The following TENM3 variants were observed in gnomAD, a reference collection of about 807,000 sequenced individuals.
TENM3 encodes teneurin-3.
A neutral mutation model predicts 255.1 loss-of-function variants in TENM3; 63 were observed. The ratio of observed to expected loss-of-function variants is 0.25; its 90% CI spans 0.20 to 0.30. The LOEUF is 0.30. Ranked by LOEUF, TENM3 falls within the 10% of genes least tolerant of loss-of-function variation. TENM3 has a pLI of 1.00. For missense variants in TENM3, 2,929 were observed against 3,461.1 expected, an observed-to-expected ratio of 0.85 and a Z score of 3.86; for synonymous variants, 1,306 against 1,322.3, an observed-to-expected ratio of 0.99 and a Z score of 0.27.
At chr4:181,983,525 T>G in the TENM3 span, among the ~76,000 whole-genome samples, 4 of 152,248 alleles carry the variant, frequency 2.6e-5, no homozygotes, top group Admixed American at 2.0e-4. Context: ...TTTGTTAATA[T>G]TTTATTCATT....
At chr4:182,117,755 C>T in the TENM3 span, among the ~76,000 whole-genome samples, 18 of 152,218 alleles carry the variant, frequency 1.2e-4, 1 homozygote, top group South Asian at 3.7e-3. Context: ...TGCTCTTCTC[C>T]TTTAATATTC....
chr4:182,509,270 T>G (rs1407867669), intron 3 of TENM3, among the ~76,000 whole-genome samples: 1 of 152,218 alleles, frequency 6.6e-6, no homozygotes, highest in Non-Finnish European at 1.5e-5. Flanking sequence ...TTAACTCCAT[T>G]TCAGTGGGGC....
chr4:182,730,904 C>A lies in TENM3; in HGVS notation c.2732C>A (p.Ala911Asp). 2 of 1,613,826 alleles carry A rather than the reference C, an allele frequency of 1.2e-6. No individual in the cohort carries two copies. Among genetic ancestry groups the A allele is most frequent in the Non-Finnish European group, 8.5e-7 (1 of 1,179,824 alleles). The change falls in exon 16 of 28, where the codon GCC becomes GAC. Residue 911 changes from alanine (A) to aspartate (D), a missense_variant. Around this residue, in one of 6 missense-constraint regions of TENM3, gnomAD observed 1,608 missense variants for 1,884.4 expected, o/e 0.85. Coordinates refer to ENST00000511685, the MANE Select transcript of TENM3 (RefSeq NM_001080477.4). ...GMFDLVANGG[A>D]SLTLVFERSP... ...TTTGACTTGGTGGCAAATGGTGGGG[C>A]CTCTCTAACTTTGGTATTTGAACGA...
At chr4:182,245,376 T>G (rs1444378620) in intron 1 of TENM3, among the ~76,000 whole-genome samples, 3 of 152,230 alleles carry the variant, frequency 2.0e-5, no homozygotes, top group Admixed American at 6.5e-5. Flanking sequence ...TTCATTTCTT[T>G]GCTGTTGTTG....
intron 11 of TENM3, among the ~76,000 whole-genome samples, chr4:182,683,909 C>T (rs1026811112): frequency 1.3e-5 from 2 of 151,424 alleles, no homozygotes; most frequent in Non-Finnish European, 2.9e-5. Flanking sequence ...GCAGACAGGA[C>T]CTGCTGAAAA....
intron 1 of TENM3, among the ~76,000 whole-genome samples, chr4:182,304,276 G>C (rs1052651684): frequency 6.6e-6 from 1 of 151,860 alleles, no homozygotes; most frequent in African/African-American, 2.4e-5. Context: ...GCAGTGGTAC[G>C]ATCTTGGCTT....
At chr4:182,734,408 G>T (rs1761009530) in intron 16 of TENM3, among the ~76,000 whole-genome samples, 1 of 152,178 alleles carries the variant, frequency 6.6e-6, no homozygotes, top group African/African-American at 2.4e-5. Context: ...AGTTTTTTCA[G>T]CATTTCTCTA....
At chr4:182,114,141 A>G in the TENM3 span, among the ~76,000 whole-genome samples, 1 of 152,206 alleles carries the variant, frequency 6.6e-6, no homozygotes, top group East Asian at 1.9e-4. Flanking sequence ...TCTATATCTA[A>G]ACCACTATGC....
At chr4:181,654,703 G>A in the TENM3 span, among the ~76,000 whole-genome samples, 3,565 of 144,722 alleles carry the variant, frequency 0.025, 82 homozygotes, top group South Asian at 0.12. Context: ...GCAGTGAGCC[G>A]AGATCGCGCC....
At chr4:181,725,603 T>A in the TENM3 span, among the ~76,000 whole-genome samples, 1 of 151,932 alleles carries the variant, frequency 6.6e-6, no homozygotes, top group Non-Finnish European at 1.5e-5. Context: ...CACACCCAGC[T>A]ATTTTTTTGT....
chr4:181,859,102 T>C, the TENM3 span, among the ~76,000 whole-genome samples: 15 of 151,912 alleles, frequency 9.9e-5, no homozygotes, highest in South Asian at 2.1e-4. Flanking sequence ...AATTCCCTCA[T>C]TTTTGGCCAC....
chr4:182,394,209 A>G (rs1206251979), intron 3 of TENM3, among the ~76,000 whole-genome samples: 2 of 152,122 alleles, frequency 1.3e-5, no homozygotes, highest in African/African-American at 4.8e-5. Context: ...TTTGCTGCCT[A>G]ATGTATGCTT....
the TENM3 span, among the ~76,000 whole-genome samples, chr4:181,711,720 G>T: frequency 0.1 from 15,253 of 152,170 alleles, 940 homozygotes; most frequent in African/African-American, 0.17. Flanking sequence ...ATATTGTTAA[G>T]TTTGTGAGCA....
the TENM3 span, among the ~76,000 whole-genome samples, chr4:181,466,535 G>C: frequency 1.3e-5 from 2 of 152,074 alleles, no homozygotes; most frequent in African/African-American, 4.8e-5. Flanking sequence ...TATTCCTATA[G>C]AATCCATTAT....
the TENM3 span, among the ~76,000 whole-genome samples, chr4:181,587,571 G>T: frequency 1.3e-5 from 2 of 152,146 alleles, no homozygotes; most frequent in Non-Finnish European, 2.9e-5. Context: ...AGAAACCAGG[G>T]CAAAGAAGTT....
At chr4:181,606,244 G>A in the TENM3 span, among the ~76,000 whole-genome samples, 1 of 152,034 alleles carries the variant, frequency 6.6e-6, no homozygotes, top group African/African-American at 2.4e-5. Flanking sequence ...GCAGCCAAAG[G>A]GACAGTCAAT....
rs191210210 is a variant in TENM3 at position 182,231,951 on chromosome 4, T to G, written c.-76+87197T>G. On this transcript the variant is annotated intron_variant, in intron 1 of 2. Transcript: ENST00000512480. ...TAAGTTGGCTGGAGTCCTGCCTGGT[T>G]TGCATATTTTTTGTATGTGCCTGTG... Among the ~76,000 whole-genome samples, 53 of 152,350 alleles carry G rather than the reference T, an allele frequency of 3.5e-4. 1 individual carries two copies. The East Asian group carries it at 6.2e-3, about 18-fold the overall frequency.
At chr4:181,452,958 G>A in the TENM3 span, among the ~76,000 whole-genome samples, 99 of 152,216 alleles carry the variant, frequency 6.5e-4, no homozygotes, top group East Asian at 0.017. Flanking sequence ...AATAATCATG[G>A]CATTCAACAA....
chr4:181,953,418 C>A, the TENM3 span, among the ~76,000 whole-genome samples: 1 of 152,120 alleles, frequency 6.6e-6, no homozygotes, highest in Non-Finnish European at 1.5e-5. Context: ...CATACCCACA[C>A]AAACACACAC....
Sources: gnomAD v4.1 joint callset for allele counts (sites outside exome capture counted in the v4.1 genomes callset) on GRCh38, gnomAD v4.1.1 for gene constraint, gnomAD v4.1.1 regional missense constraint, MANE v1.5 for transcripts, NCBI Gene and HGNC (gene_info 2026-07-23, HGNC 2026-07-21) for gene names.